The following PDE10A variants were observed in gnomAD, a reference collection of about 807,000 sequenced individuals.
The protein encoded by PDE10A is phosphodiesterase 10A, also known as cAMP and cAMP-inhibited cGMP 3',5'-cyclic phosphodiesterase 10A.
PDE10A carries 39 observed loss-of-function variants against 97.7 expected under a neutral mutation model. That is an observed-to-expected ratio of 0.40 (90% CI 0.31 to 0.52). The LOEUF is 0.52. Among genes scored for constraint, PDE10A ranks in the 20% least tolerant of loss-of-function variants. The pLI is 0.56. For missense variants in PDE10A, 731 were observed against 1,047.8 expected, an observed-to-expected ratio of 0.70 and a Z score of 4.17; for synonymous variants, 371 against 376.8, an observed-to-expected ratio of 0.98 and a Z score of 0.18.
At position 165,693,317 on chromosome 6, in the gene PDE10A, G is replaced by A. The variant is rs184354286; in HGVS notation, c.-614-149749C>T. Among the ~76,000 whole-genome samples the A allele has an allele frequency of 1.5e-3, 230 of 152,126 alleles. 1 individual carries two copies. The highest frequency in any genetic ancestry group is 5.2e-3 in the African/African-American group (217 of 41,492). Reference sequence around the variant, plus strand: ...AGGCCTAGGTGGGTGGATCATCTGAGGTCAGGAGTTCAAGATCAGCCTGGC... The same window carrying A: ...AGGCCTAGGTGGGTGGATCATCTGAAGTCAGGAGTTCAAGATCAGCCTGGC... On this transcript the variant is annotated intron_variant, in intron 1 of 19. Transcript: ENST00000366882.
intron 10 of PDE10A, among the ~76,000 whole-genome samples, chr6:165,428,346 A>T (rs187838959): frequency 6.6e-6 from 1 of 152,272 alleles, no homozygotes; most frequent in Admixed American, 6.5e-5. Flanking sequence ...ATCAGGAAAA[A>T]ATCAATCGAG....
At chr6:165,811,105 C>G (rs940996115) in intron 1 of PDE10A, among the ~76,000 whole-genome samples, 3 of 152,074 alleles carry the variant, frequency 2.0e-5, no homozygotes, top group African/African-American at 7.2e-5. Flanking sequence ...TGCCTGTAGT[C>G]CCTGCTACTT....
intron 13 of PDE10A, among the ~76,000 whole-genome samples, chr6:165,402,824 A>G (rs1215975927): frequency 1.3e-5 from 2 of 152,170 alleles, no homozygotes; most frequent in Admixed American, 1.3e-4. Flanking sequence ...TTAATTAGTG[A>G]TTATTTAGAA....
intron 1 of PDE10A, among the ~76,000 whole-genome samples, chr6:165,942,432 C>G (rs1207795191): frequency 6.6e-6 from 1 of 152,102 alleles, no homozygotes; most frequent in Admixed American, 6.5e-5. Flanking sequence ...ATTTGTGAGG[C>G]ATCATCTTTA....
At chr6:165,784,503 T>C (rs1464710411) in intron 1 of PDE10A, among the ~76,000 whole-genome samples, 1 of 152,210 alleles carries the variant, frequency 6.6e-6, no homozygotes, top group African/African-American at 2.4e-5. Context: ...AGACTACTCA[T>C]ATTGTTTCTA....
At chr6:165,620,774 A>C (rs1788087959) in intron 1 of PDE10A, among the ~76,000 whole-genome samples, 1 of 118,244 alleles carries the variant, frequency 8.5e-6, no homozygotes, top group East Asian at 2.1e-4. Flanking sequence ...GGTAATCCCA[A>C]CCCTTTGGGA....
chr6:165,361,963 T>C (rs1783455136), intron 18 of PDE10A, among the ~76,000 whole-genome samples: 1 of 151,994 alleles, frequency 6.6e-6, no homozygotes, highest in African/African-American at 2.4e-5. Flanking sequence ...GTTAAGAAAT[T>C]AAAAAGGAAA....
At chr6:165,943,235 G>GAGA (rs1783619451) in intron 1 of PDE10A, among the ~76,000 whole-genome samples, 1 of 51,764 alleles carries the variant, frequency 1.9e-5, no homozygotes, top group African/African-American at 9.7e-5. Context: ...AAGAAAGAAA[G>GAGA]AAGGAAGGAA....
At chr6:165,606,264 A>T (rs1365806360) in intron 1 of PDE10A, among the ~76,000 whole-genome samples, 1 of 152,168 alleles carries the variant, frequency 6.6e-6, no homozygotes, top group Non-Finnish European at 1.5e-5. Context: ...AGAAGCTCAT[A>T]AGAGGGGCAT....
At chr6:165,399,505 A>G (rs1786460567) in intron 13 of PDE10A, among the ~76,000 whole-genome samples, 1 of 152,184 alleles carries the variant, frequency 6.6e-6, no homozygotes, top group African/African-American at 2.4e-5. Flanking sequence ...ATATGTATAC[A>G]TGTGCCATGT....
At chr6:165,762,889 G>GCA (rs771789406) in intron 1 of PDE10A, among the ~76,000 whole-genome samples, 5 of 150,142 alleles carry the variant, frequency 3.3e-5, no homozygotes, top group Non-Finnish European at 7.4e-5. Flanking sequence ...AAACACACGT[G>GCA]CACACACACA....
intron 2 of PDE10A, among the ~76,000 whole-genome samples, chr6:165,529,763 T>C (rs563683805): frequency 2.6e-5 from 4 of 152,344 alleles, no homozygotes; most frequent in South Asian, 4.1e-4. Flanking sequence ...TCTCCTGTTG[T>C]ACGAAGGATA....
At chr6:165,600,354 T>A (rs79850912) in intron 1 of PDE10A, among the ~76,000 whole-genome samples, 397 of 152,132 alleles carry the variant, frequency 2.6e-3, no homozygotes, top group African/African-American at 9.4e-3. Flanking sequence ...AGTGAATGAG[T>A]TCTCTGTAAA....
At chr6:165,837,459 G>A (rs559990805) in intron 1 of PDE10A, among the ~76,000 whole-genome samples, 2 of 151,648 alleles carry the variant, frequency 1.3e-5, no homozygotes, top group African/African-American at 4.8e-5. Flanking sequence ...TCCTTTACCT[G>A]CTGCATCATA....
chr6:165,616,752 T>C (rs1276430620), intron 1 of PDE10A, among the ~76,000 whole-genome samples: 1 of 152,164 alleles, frequency 6.6e-6, no homozygotes, highest in Non-Finnish European at 1.5e-5. Context: ...TGCACTACAG[T>C]TTCGTACTCA....
intron 18 of PDE10A, among the ~76,000 whole-genome samples, chr6:165,352,695 A>T (rs915076750): frequency 1.3e-5 from 2 of 152,188 alleles, no homozygotes; most frequent in African/African-American, 4.8e-5. Context: ...GAACCTTTAG[A>T]AAACTTAATT....
Position 165,662,686 on chromosome 6 carries a change from C to T in PDE10A, c.126G>A (p.Gly42=), listed in dbSNP as rs1315525142. ...GGGCCGGGCCCGGGCCCGCCGCGCTCCCCCCGCCGGCCGCGCTGAGCCGGG... is the reference window on the plus strand; with the variant it reads ...GGGCCGGGCCCGGGCCCGCCGCGCTTCCCCCGCCGGCCGCGCTGAGCCGGG... ...PEPRLSAAGG[G]SAAGPGPAPE... The change falls in exon 1 of 22, where the codon GGG becomes GGA. Residue 42 remains glycine (G), a synonymous_variant. Transcript: ENST00000539869. 1.4e-5 allele frequency: 2 copies of T among 145,104 alleles called. No homozygotes were observed. The highest frequency in any genetic ancestry group is 4.9e-5 in the African/African-American group (2 of 40,440). The allele number at this position is 145,104 out of a possible 1,614,324, so 9.0% of individuals were successfully genotyped here.
At chr6:165,623,252 A>G (rs1788230429) in intron 1 of PDE10A, among the ~76,000 whole-genome samples, 1 of 148,708 alleles carries the variant, frequency 6.7e-6, no homozygotes, top group African/African-American at 2.6e-5. Context: ...CAGCCTCCCG[A>G]GTAGCTGGGA....
rs1554236953 is a variant in PDE10A, at chr6:165,333,005, C to T, written c.*20G>A. 8.7e-6 allele frequency: 12 copies of T among 1,380,944 alleles called. No individual in the cohort carries two copies. Among genetic ancestry groups the T allele is most frequent in the South Asian group, 4.6e-5 (4 of 86,530 alleles). The allele number at this position is 1,380,944 out of a possible 1,614,324, so 85.5% of individuals were successfully genotyped here. On this transcript the variant is annotated 3_prime_UTR_variant, in exon 22 of 22. Coordinates refer to ENST00000539869, the MANE Select transcript of PDE10A (RefSeq NM_001385079.1). ...AGATGAGGATCTGTAGGTGGGACAGCGTGTCAGGGTGACCAGTGCTCAATC... is the reference window on the plus strand; with the variant it reads ...AGATGAGGATCTGTAGGTGGGACAGTGTGTCAGGGTGACCAGTGCTCAATC...
Sources: gnomAD v4.1 joint callset for allele counts (sites outside exome capture counted in the v4.1 genomes callset) on GRCh38, gnomAD v4.1.1 for gene constraint, MANE v1.5 for transcripts, NCBI Gene and HGNC (gene_info 2026-07-23, HGNC 2026-07-21) for gene names.